The following CAMKMT variants were observed in gnomAD, a reference collection of about 807,000 sequenced individuals.
CAMKMT encodes the protein CaM KMT.
CAMKMT carries 53 observed loss-of-function variants against 48.0 expected under a neutral mutation model. That is an observed-to-expected ratio of 1.10 (90% CI 0.89 to 1.39). The LOEUF (loss-of-function observed/expected upper bound fraction) is 1.39. Ranked by LOEUF, CAMKMT falls within the 40% of genes most tolerant of loss-of-function variation. The pLI, the probability that CAMKMT is intolerant of heterozygous loss-of-function variation, is 0.00. For synonymous variants in CAMKMT, 165 were observed against 152.3 expected (o/e 1.08, Z -0.61); for missense variants, 428 against 402.7 (o/e 1.06, Z -0.54).
chr2:44,372,530 A>G (rs987423922), intron 1 of CAMKMT, among the ~76,000 whole-genome samples, 186 bp from the exon 2 acceptor site: 12 of 151,778 alleles, frequency 7.9e-5, no homozygotes, highest in African/African-American at 2.9e-4. Flanking sequence ...TGATGTCTTC[A>G]AGTAATGCTT....
rs1417618867 is a variant in CAMKMT, at chr2:44,390,201, A to G, written c.312-40A>G. The G allele has an allele frequency of 3.9e-6, 6 of 1,525,000 alleles. No homozygotes were observed. The East Asian group carries it at 6.8e-5, about 17-fold the overall frequency. 94.5% of individuals were successfully genotyped at this position (1,525,000 alleles called of 1,614,324 possible). A position where few individuals can be genotyped will look rare whatever the true frequency, so the allele number is the denominator to read the frequency against. ...TTTTTTGAATACTAAAAATGTTAAC[A>G]TTTCAGAATCATTAAAGCAAACGCT... On this transcript the variant is annotated intron_variant, in intron 2 of 10. Transcript: ENST00000378494.
chr2:44,539,278 A>G (rs1666957011), intron 3 of CAMKMT, among the ~76,000 whole-genome samples: 1 of 111,386 alleles, frequency 9.0e-6, no homozygotes, highest in South Asian at 3.3e-4. Context: ...GTACTCCAGA[A>G]GTCTCAAAAA....
chr2:44,384,024 A>G (rs1007269373), intron 2 of CAMKMT, among the ~76,000 whole-genome samples: 7 of 152,116 alleles, frequency 4.6e-5, no homozygotes, highest in African/African-American at 1.4e-4. Flanking sequence ...TGGTAGTTCT[A>G]CTTTTAGTTC....
At chr2:44,768,260 G>C (rs991045190) in intron 10 of CAMKMT, among the ~76,000 whole-genome samples, 1 of 151,596 alleles carries the variant, frequency 6.6e-6, no homozygotes, top group Non-Finnish European at 1.5e-5. Flanking sequence ...TTCGTGGTTG[G>C]GGGTGGGGAG....
At chr2:44,716,372 C>T (rs920549407) in intron 7 of CAMKMT, among the ~76,000 whole-genome samples, 1 of 152,042 alleles carries the variant, frequency 6.6e-6, no homozygotes, top group Non-Finnish European at 1.5e-5. Flanking sequence ...GTGCTGGCTT[C>T]GGACATGAAA....
At chr2:44,442,648 T>G (rs889170084) in intron 3 of CAMKMT, among the ~76,000 whole-genome samples, 3 of 152,230 alleles carry the variant, frequency 2.0e-5, no homozygotes, top group Non-Finnish European at 4.4e-5. Context: ...TACTGATGTT[T>G]CTAAATACAA....
intron 3 of CAMKMT, among the ~76,000 whole-genome samples, chr2:44,606,873 T>A: frequency 6.6e-6 from 1 of 151,628 alleles, no homozygotes; most frequent in Non-Finnish European, 1.5e-5. Flanking sequence ...AAAAGTTTAC[T>A]GCAGCTGGTT....
At chr2:44,516,945 T>C (rs1191882467) in intron 3 of CAMKMT, among the ~76,000 whole-genome samples, 1 of 152,156 alleles carries the variant, frequency 6.6e-6, no homozygotes, top group Non-Finnish European at 1.5e-5. Context: ...TTTCACCATG[T>C]TGGTCAGGCT....
intron 3 of CAMKMT, among the ~76,000 whole-genome samples, chr2:44,682,678 C>A (rs1209608516): frequency 6.6e-6 from 1 of 152,112 alleles, no homozygotes; most frequent in Non-Finnish European, 1.5e-5. Flanking sequence ...CAGATAAATA[C>A]CAAAGTGGAG....
At chr2:44,402,283 C>T (rs1181773338) in intron 3 of CAMKMT, among the ~76,000 whole-genome samples, 5 of 125,302 alleles carry the variant, frequency 4.0e-5, no homozygotes, top group Admixed American at 9.0e-5. Flanking sequence ...GAGCCAATAT[C>T]GCACCATTGC....
At chr2:44,704,448 AT>A (rs1259071181) in intron 4 of CAMKMT, 105 bp downstream of exon 4, 3 of 770,134 alleles carry the variant, frequency 3.9e-6, no homozygotes, top group East Asian at 2.9e-5. Context: ...TTAGAAAAAA[AT>A]ATAAGAAAAG....
intron 3 of CAMKMT, among the ~76,000 whole-genome samples, chr2:44,612,598 A>C (rs1027250072): frequency 5.9e-5 from 9 of 152,206 alleles, no homozygotes; most frequent in Non-Finnish European, 8.8e-5. Flanking sequence ...AATACAGCAC[A>C]ATACTTTATT....
chr2:44,629,851 C>A (rs960461875), intron 3 of CAMKMT, among the ~76,000 whole-genome samples: 4 of 151,934 alleles, frequency 2.6e-5, no homozygotes, highest in Non-Finnish European at 5.9e-5. Flanking sequence ...ATGCCATCCC[C>A]ATCAAGCTAC....
intron 3 of CAMKMT, among the ~76,000 whole-genome samples, chr2:44,688,976 A>G (rs78885591): frequency 2.9e-3 from 436 of 152,250 alleles, no homozygotes; most frequent in African/African-American, 0.01. Context: ...ATGGCTTTCA[A>G]TTTGTTTGGA....
chr2:44,431,669 G>A (rs1369668535), intron 3 of CAMKMT, among the ~76,000 whole-genome samples: 1 of 152,112 alleles, frequency 6.6e-6, no homozygotes, highest in Non-Finnish European at 1.5e-5. Flanking sequence ...TCCCACAATA[G>A]GATTGTTTTG....
At chr2:44,649,164 A>C (rs886145162) in intron 3 of CAMKMT, among the ~76,000 whole-genome samples, 1 of 151,588 alleles carries the variant, frequency 6.6e-6, no homozygotes, top group Non-Finnish European at 1.5e-5. Flanking sequence ...TGAGGGGGGG[A>C]AAATGGTTTG....
intron 3 of CAMKMT, among the ~76,000 whole-genome samples, chr2:44,555,279 T>G (rs1667946041): frequency 6.6e-6 from 1 of 152,124 alleles, no homozygotes; most frequent in Middle Eastern, 3.2e-3. Flanking sequence ...GACCTTAAAC[T>G]AGGGGTATTG....
intron 3 of CAMKMT, among the ~76,000 whole-genome samples, chr2:44,643,317 C>T (rs551972661): frequency 1.6e-4 from 24 of 152,132 alleles, no homozygotes; most frequent in African/African-American, 5.8e-4. Flanking sequence ...TTTATTGAAA[C>T]ATTAAAGAAA....
intron 3 of CAMKMT, among the ~76,000 whole-genome samples, chr2:44,690,128 T>G (rs1396276855): frequency 6.6e-6 from 1 of 152,206 alleles, no homozygotes. Flanking sequence ...CTAAAATATT[T>G]CTTGGTAGAG....
Sources: allele counts gnomAD v4.1 joint callset (sites outside exome capture counted in the v4.1 genomes callset), GRCh38; gene constraint gnomAD v4.1.1; transcripts MANE v1.5; gene names NCBI Gene and HGNC (gene_info 2026-07-23, HGNC 2026-07-21).